CPNE4: variants seen among roughly 807,000 people sequenced by gnomAD.
CPNE4 encodes the protein copine-4.
A neutral mutation model predicts 67.9 loss-of-function variants in CPNE4; 25 were observed. That is an observed-to-expected ratio of 0.37 (90% CI 0.27 to 0.51). CPNE4 has a LOEUF of 0.51. CPNE4 is among the 20% of genes least tolerant of loss of function. The pLI is 0.93. For missense variants in CPNE4, 464 were observed against 690.8 expected (o/e 0.67, Z 3.68); for synonymous variants, 242 against 244.9 (o/e 0.99, Z 0.11).
chr3:131,853,274 T>A lies in CPNE4; in HGVS notation c.180+51990A>T, dbSNP rs2086307060. On this transcript the variant is annotated intron_variant, in intron 2 of 15. Coordinates refer to ENST00000429747, the MANE Select transcript of CPNE4 (RefSeq NM_130808.3). ...TAGAAATGAATCTATACAAACACTG[T>A]ACATTGACTATTTTTCAACAAAGGC... 1.3e-5 allele frequency among the ~76,000 whole-genome samples: 2 copies of A among 151,860 alleles called. 1 individual carries two copies. Among genetic ancestry groups the A allele is most frequent in the South Asian group, 4.1e-4 (2 of 4,828 alleles).
At chr3:131,829,572 T>C (rs983401401) in intron 2 of CPNE4, among the ~76,000 whole-genome samples, 14 of 152,266 alleles carry the variant, frequency 9.2e-5, no homozygotes, top group Admixed American at 4.6e-4. Flanking sequence ...CAAACTGATA[T>C]TTCATTGGTG....
At chr3:131,948,055 T>A (rs2107877224) in intron 1 of CPNE4, among the ~76,000 whole-genome samples, 1 of 152,346 alleles carries the variant, frequency 6.6e-6, no homozygotes, top group African/African-American at 2.4e-5. Flanking sequence ...TTCTTTAATT[T>A]CTTTCAGCAA....
At chr3:131,823,666 C>A (rs908697413) in intron 2 of CPNE4, among the ~76,000 whole-genome samples, 16 of 152,116 alleles carry the variant, frequency 1.1e-4, no homozygotes, top group Non-Finnish European at 2.1e-4. Context: ...TTGCAACCAC[C>A]CTCTCCTTAA....
chr3:131,926,411 C>T (rs974615629), intron 1 of CPNE4, among the ~76,000 whole-genome samples: 1 of 151,808 alleles, frequency 6.6e-6, no homozygotes, highest in Non-Finnish European at 1.5e-5. Flanking sequence ...ATCCTTGTAA[C>T]AAATAAATTT....
At chr3:131,699,491 G>A (rs1472571581) in intron 4 of CPNE4, among the ~76,000 whole-genome samples, 1 of 152,162 alleles carries the variant, frequency 6.6e-6, no homozygotes, top group Non-Finnish European at 1.5e-5. Flanking sequence ...AAACCTTGAA[G>A]TAAATGCTAT....
At chr3:131,755,489 A>C (rs1167505864) in intron 2 of CPNE4, among the ~76,000 whole-genome samples, 1 of 152,238 alleles carries the variant, frequency 6.6e-6, no homozygotes, top group Admixed American at 6.5e-5. Flanking sequence ...TTACACCAAG[A>C]AACTAATTGA....
intron 11 of CPNE4, among the ~76,000 whole-genome samples, chr3:131,559,131 C>T (rs1298611636): frequency 6.6e-6 from 1 of 151,936 alleles, no homozygotes; most frequent in Non-Finnish European, 1.5e-5. Flanking sequence ...CAGGTAGTTG[C>T]CAAGTTTTGC....
At chr3:131,685,599 T>C (rs1326672960) in intron 6 of CPNE4, among the ~76,000 whole-genome samples, 3 of 152,062 alleles carry the variant, frequency 2.0e-5, no homozygotes, top group Non-Finnish European at 4.4e-5. Flanking sequence ...CTGGCCAAGA[T>C]GGTGAAACCC....
At chr3:131,716,463 A>C (rs1377471367) in intron 3 of CPNE4, among the ~76,000 whole-genome samples, 3 of 152,190 alleles carry the variant, frequency 2.0e-5, no homozygotes, top group Non-Finnish European at 1.5e-5. Flanking sequence ...TACACACACA[A>C]TATTTAAAAT....
At chr3:131,590,012 G>A (rs1458850837) in intron 7 of CPNE4, among the ~76,000 whole-genome samples, 1 of 152,202 alleles carries the variant, frequency 6.6e-6, no homozygotes, top group Non-Finnish European at 1.5e-5. Context: ...CCCAAGTTTG[G>A]GGTGGGAGGA....
intron 7 of CPNE4, among the ~76,000 whole-genome samples, chr3:131,634,702 G>A (rs981014713): frequency 5.3e-5 from 8 of 152,046 alleles, no homozygotes; most frequent in Admixed American, 5.2e-4. Flanking sequence ...AGGATAAGAA[G>A]GTAAAAATTG....
intron 1 of CPNE4, among the ~76,000 whole-genome samples, chr3:131,976,392 T>C (rs747711691): frequency 2.0e-5 from 3 of 152,192 alleles, no homozygotes; most frequent in Non-Finnish European, 4.4e-5. Context: ...CAAAGCTCTT[T>C]TCCCTTTATA....
chr3:131,618,394 T>C (rs1199050854), intron 7 of CPNE4, among the ~76,000 whole-genome samples: 1 of 152,194 alleles, frequency 6.6e-6, no homozygotes, highest in African/African-American at 2.4e-5. Flanking sequence ...GACTTTTTTG[T>C]GGGGAGAATA....
intron 1 of CPNE4, among the ~76,000 whole-genome samples, chr3:131,913,168 T>C (rs1268265290): frequency 6.6e-6 from 1 of 152,042 alleles, no homozygotes; most frequent in Non-Finnish European, 1.5e-5. Context: ...CATCAGGTGA[T>C]GGTCAGGCAG....
intron 10 of CPNE4, among the ~76,000 whole-genome samples, chr3:131,566,249 T>C (rs1004592744): frequency 6.6e-6 from 1 of 151,854 alleles, no homozygotes; most frequent in African/African-American, 2.4e-5. Context: ...AATAAACTCT[T>C]CGTGACCAAA....
chr3:131,800,679 G>C (rs1427257859), intron 2 of CPNE4, among the ~76,000 whole-genome samples: 1 of 152,078 alleles, frequency 6.6e-6, no homozygotes, highest in African/African-American at 2.4e-5. Flanking sequence ...AGGAATATTG[G>C]GGTTATAATT....
At chr3:131,797,824 CAG>C in intron 2 of CPNE4, among the ~76,000 whole-genome samples, 1 of 152,060 alleles carries the variant, frequency 6.6e-6, no homozygotes, top group East Asian at 1.9e-4. Context: ...CAAGTGCACT[CAG>C]TGAATAAAAT....
At chr3:131,666,103 G>A (rs558937580) in intron 7 of CPNE4, among the ~76,000 whole-genome samples, 79 of 152,154 alleles carry the variant, frequency 5.2e-4, no homozygotes, top group African/African-American at 1.8e-3. Context: ...ATGGCTAGCT[G>A]TACCAGGTAT....
intron 7 of CPNE4, among the ~76,000 whole-genome samples, chr3:131,656,874 A>C (rs953015523): frequency 3.9e-5 from 6 of 152,206 alleles, no homozygotes; most frequent in African/African-American, 1.2e-4. Flanking sequence ...CATGCCAGCT[A>C]TTCAGAGATG....
Sources: gnomAD v4.1 joint callset for allele counts (sites outside exome capture counted in the v4.1 genomes callset) on GRCh38, gnomAD v4.1.1 for gene constraint, MANE v1.5 for transcripts, NCBI Gene and HGNC (gene_info 2026-07-23, HGNC 2026-07-21) for gene names.